HEATR4: variants seen among roughly 807,000 people sequenced by gnomAD.
HEATR4 encodes HEAT repeat containing 4.
Under a neutral mutation model 108.8 loss-of-function variants are expected in HEATR4, and 95 were observed. That is an observed-to-expected ratio of 0.87 (90% CI 0.74 to 1.04). HEATR4 has a LOEUF of 1.04. Among genes scored for constraint, HEATR4 ranks in the 50% least tolerant of loss-of-function variants. HEATR4 has a pLI of 0.00. For missense variants in HEATR4, 1,152 were observed against 1,253.8 expected (o/e 0.92, Z 1.23); for synonymous variants, 443 against 459.4 (o/e 0.96, Z 0.46).
intron 5 of HEATR4, among the ~76,000 whole-genome samples, chr14:73,514,850 C>T (rs1398092290): frequency 7.9e-5 from 12 of 152,026 alleles, no homozygotes; most frequent in African/African-American, 2.7e-4. Context: ...GAGCAGATCA[C>T]GAGGTCAGGA....
Position 73,519,148 on chromosome 14 carries a change from A to C in HEATR4, c.1085T>G (p.Ile362Ser). Reference protein sequence around the residue: ...QEIYFDEVQIIHQIGAKRDQI... With the variant: ...QEIYFDEVQISHQIGAKRDQI... ...GTCTCTCTTTGCACCAATCTGGTGG[A>C]TGATCTGGACTTCATCTGTGAACAG... The change falls in exon 5 of 18, where the codon ATC becomes AGC. Residue 362 changes from isoleucine to serine, a missense_variant. Coordinates refer to ENST00000553558, the MANE Select transcript of HEATR4 (RefSeq NM_001220484.1). 6.2e-7 allele frequency: 1 copy of C among 1,613,164 alleles called. No homozygotes were observed.
chr14:73,491,295 G>T, intron 17 of HEATR4: 2 of 1,544,932 alleles, frequency 1.3e-6, no homozygotes, highest in Non-Finnish European at 1.7e-6. Flanking sequence ...GACGCAGCCC[G>T]GCGAGAGCCA....
intron 17 of HEATR4, among the ~76,000 whole-genome samples, chr14:73,479,957 A>G (rs1885181165): frequency 6.6e-6 from 1 of 152,216 alleles, no homozygotes. Context: ...GCCCATTAAA[A>G]AATAAAAATA....
At chr14:73,604,235 G>T in the HEATR4 span, among the ~76,000 whole-genome samples, 10 of 134,304 alleles carry the variant, frequency 7.4e-5, no homozygotes, top group East Asian at 2.4e-3. Context: ...CTCAATCTCA[G>T]CTCACTGCCA....
Position 73,492,999 on chromosome 14 carries a change from CTTTTT to C in HEATR4, c.2844+62_2844+66del, listed in dbSNP as rs11410201. The C allele has an allele frequency of 1.4e-5, 20 of 1,460,612 alleles. No homozygotes were observed. The highest frequency in any genetic ancestry group is 1.5e-5 in the African/African-American group (1 of 65,856). The allele number at this position is 1,460,612 out of a possible 1,614,324, so 90.5% of individuals were successfully genotyped here. A position where few individuals can be genotyped will look rare whatever the true frequency, so the allele number is the denominator to read the frequency against. ...AGTGATTCTCCGCTGCCACTGCTAC[CTTTTT>C]TTTTTTTTTTTCCTTAAACTCACGT... On this transcript the variant is annotated intron_variant, in intron 17 of 17. Transcript: ENST00000553558. This position sits in a 1 kb window ranked among gnomAD's most constrained non-coding sequence, Gnocchi z 4.9.
the HEATR4 span, among the ~76,000 whole-genome samples, chr14:73,566,522 C>T: frequency 6.6e-6 from 1 of 152,174 alleles, no homozygotes. Flanking sequence ...AGCACAGCGC[C>T]AGTGGGCCGG....
chr14:73,579,909 A>G, the HEATR4 span, among the ~76,000 whole-genome samples: 1 of 152,008 alleles, frequency 6.6e-6, no homozygotes, highest in East Asian at 1.9e-4. Context: ...CCTGGCCAAC[A>G]TGGTAAAACT....
intron 10 of HEATR4, among the ~76,000 whole-genome samples, chr14:73,503,254 C>G (rs575199123): frequency 7.9e-5 from 12 of 152,164 alleles, no homozygotes; most frequent in Non-Finnish European, 2.9e-5. Flanking sequence ...AGTGCTGGAA[C>G]CAGGACTCAA....
At chr14:73,608,544 T>G in the HEATR4 span, among the ~76,000 whole-genome samples, 1 of 152,192 alleles carries the variant, frequency 6.6e-6, no homozygotes, top group Non-Finnish European at 1.5e-5. Flanking sequence ...GTTCCAAACT[T>G]TCTCACATCT....
At chr14:73,494,297 G>C (rs776971690) in intron 16 of HEATR4, among the ~76,000 whole-genome samples, 1 of 152,208 alleles carries the variant, frequency 6.6e-6, no homozygotes, top group Non-Finnish European at 1.5e-5. Context: ...TGAGTGACCT[G>C]AGGCTGATGC....
rs754044635 is a variant in HEATR4, at chr14:73,499,103, G to T, written c.2324C>A (p.Pro775His). ...GGCAAAGGCCTTGATTTTCCAGTAA[G>T]GATCTCTCTGCATCAGGTTCAGGAG... is the stretch of plus-strand genomic sequence containing the variant. Reference protein sequence around the residue: ...ECLLNLMQRDPYWKIKAFAIR... With the variant: ...ECLLNLMQRDHYWKIKAFAIR... The change falls in exon 13 of 18, where the codon CCT becomes CAT. Residue 775 changes from proline to histidine, a missense_variant. Pro to His is a moderately conservative substitution (Grantham distance 77). Transcript: ENST00000553558. The T allele has an allele frequency of 6.2e-7, 1 of 1,614,180 alleles. No homozygotes were observed. The highest frequency in any genetic ancestry group is 8.5e-7 in the Non-Finnish European group (1 of 1,180,020).
At chr14:73,592,991 C>A in the HEATR4 span, among the ~76,000 whole-genome samples, 3,165 of 152,326 alleles carry the variant, frequency 0.021, 119 homozygotes, top group African/African-American at 0.072. Flanking sequence ...AGGTTCAGGT[C>A]GTCAGGTACA....
the HEATR4 span, chr14:73,592,390 T>A: frequency 3.9e-6 from 6 of 1,548,356 alleles, no homozygotes; most frequent in African/African-American, 1.4e-5. Context: ...GCGGGCCGGG[T>A]GCGCGCCACG....
At chr14:73,511,581 G>C (rs1311566440) in intron 7 of HEATR4, among the ~76,000 whole-genome samples, 1 of 146,760 alleles carries the variant, frequency 6.8e-6, no homozygotes, top group Non-Finnish European at 1.5e-5. Flanking sequence ...AAATAAAAAA[G>C]AATGGGCTCT....
At chr14:73,496,038 G>A (rs754598256) in intron 15 of HEATR4, among the ~76,000 whole-genome samples, 41 of 152,268 alleles carry the variant, frequency 2.7e-4, no homozygotes, top group Admixed American at 9.2e-4. Flanking sequence ...GCTGAGGCAC[G>A]AGAATCACTT....
chr14:73,567,432 G>A, the HEATR4 span, among the ~76,000 whole-genome samples: 1 of 152,026 alleles, frequency 6.6e-6, no homozygotes. Flanking sequence ...AGCACTCTGT[G>A]TCTAGCTAAA....
chr14:73,486,698 GA>G (rs33986905), intron 17 of HEATR4, among the ~76,000 whole-genome samples: 20 of 144,856 alleles, frequency 1.4e-4, no homozygotes, highest in African/African-American at 2.5e-4. Context: ...ACTCTGTCTT[GA>G]AAAAAAAAAA....
chr14:73,495,096 C>A, intron 16 of HEATR4, 132 bp downstream of exon 16: 2 of 658,588 alleles, frequency 3.0e-6, no homozygotes, highest in South Asian at 5.4e-5. Context: ...GGATGGTAGC[C>A]AAGAGGGAAG....
At chr14:73,491,356 C>T in intron 17 of HEATR4, 1 of 1,429,948 alleles carries the variant, frequency 7.0e-7, no homozygotes, top group South Asian at 1.5e-5. Context: ...CCGCCGCGCG[C>T]TCCCTGCAGA....
Sources: allele counts gnomAD v4.1 joint callset (sites outside exome capture counted in the v4.1 genomes callset), GRCh38; gene constraint gnomAD v4.1.1; non-coding constraint Gnocchi (gnomAD v3.1); transcripts MANE v1.5; gene names NCBI Gene and HGNC (gene_info 2026-07-23, HGNC 2026-07-21).